LRRC7: variants seen among roughly 807,000 people sequenced by gnomAD.
The protein encoded by LRRC7 is leucine-rich repeat-containing protein 7.
In LRRC7, 23 loss-of-function variants were observed where a neutral mutation model predicts 175.7. The ratio of observed to expected loss-of-function variants is 0.13; its 90% CI spans 0.09 to 0.19. The LOEUF (loss-of-function observed/expected upper bound fraction) is 0.19, where lower values mean the gene tolerates loss of function less well. Ranked by LOEUF, LRRC7 falls within the 10% of genes least tolerant of loss-of-function variation. The pLI is 1.00. For missense variants in LRRC7, 1,354 were observed against 1,904.7 expected (o/e 0.71, Z 5.38); for synonymous variants, 685 against 680.9 (o/e 1.01, Z -0.09).
At chr1:69,726,968 T>G (rs961699712) in intron 2 of LRRC7, among the ~76,000 whole-genome samples, 2 of 152,026 alleles carry the variant, frequency 1.3e-5, no homozygotes, top group Non-Finnish European at 2.9e-5. Flanking sequence ...AGGTAAAAAT[T>G]TGTGTGCAGG....
chr1:70,089,922 G>A, intron 25 of LRRC7, 103 bp downstream of exon 25: 1 of 791,054 alleles, frequency 1.3e-6, no homozygotes, highest in Non-Finnish European at 2.0e-6. Context: ...GTGTTTTCAT[G>A]AGCTAGTTAG....
intron 1 of LRRC7, among the ~76,000 whole-genome samples, chr1:69,675,714 G>T (rs998568218): frequency 6.6e-6 from 1 of 152,020 alleles, no homozygotes; most frequent in Non-Finnish European, 1.5e-5. Flanking sequence ...TAGAAAATTT[G>T]ATATAATTTA....
intron 1 of LRRC7, among the ~76,000 whole-genome samples, chr1:69,676,017 AC>A (rs1326513617): frequency 1.6e-4 from 23 of 147,726 alleles, no homozygotes; most frequent in African/African-American, 5.4e-4. Context: ...GCACACACAC[AC>A]ACACACACAC....
At chr1:69,795,034 T>A (rs1675561893) in intron 4 of LRRC7, among the ~76,000 whole-genome samples, 1 of 152,208 alleles carries the variant, frequency 6.6e-6, no homozygotes, top group Non-Finnish European at 1.5e-5. Context: ...TTGCTAGAAC[T>A]TACACAAACA....
At chr1:69,601,096 A>G (rs1013992338) in intron 1 of LRRC7, among the ~76,000 whole-genome samples, 1 of 152,118 alleles carries the variant, frequency 6.6e-6, no homozygotes, top group Non-Finnish European at 1.5e-5. Context: ...GATTACAGGC[A>G]TGAGCCACCG....
At chr1:69,569,307 G>GC (rs887671898) in intron 1 of LRRC7, among the ~76,000 whole-genome samples, 1 of 152,032 alleles carries the variant, frequency 6.6e-6, no homozygotes, top group Non-Finnish European at 1.5e-5. Flanking sequence ...GGAGAACCTT[G>GC]CCTCCCTCCC....
rs1415377035 is a variant in LRRC7 at position 69,781,719 on chromosome 1, GAAAGAAAGAAAGAA to G, written c.304-10322_304-10309del. The stretch of plus-strand genomic sequence containing the variant: ...AGAAAGAAAGAAAGAAAGAAAGAAA[GAAAGAAAGAAAGAA>G]AGAGAGAGAGAGAGAGAGAGAGAGA... On this transcript the variant is annotated intron_variant, in intron 3 of 26. Coordinates refer to ENST00000651989, the MANE Select transcript of LRRC7 (RefSeq NM_001370785.2). Among the ~76,000 whole-genome samples, 28 of 30,032 alleles carry G rather than the reference GAAAGAAAGAAAGAA, an allele frequency of 9.3e-4. 1 individual carries two copies. Among genetic ancestry groups the G allele is most frequent in the South Asian group, 3.4e-3 (3 of 888 alleles). 19.7% of individuals were successfully genotyped at this position (30,032 alleles called of 152,430 possible).
At chr1:69,927,310 A>G (rs1220944462) in intron 7 of LRRC7, among the ~76,000 whole-genome samples, 1 of 152,102 alleles carries the variant, frequency 6.6e-6, no homozygotes, top group Non-Finnish European at 1.5e-5. Flanking sequence ...CTTGGGGAGT[A>G]TCTTTGTGGC....
intron 6 of LRRC7, among the ~76,000 whole-genome samples, chr1:69,836,896 A>G (rs1392987139): frequency 6.6e-6 from 1 of 151,854 alleles, no homozygotes; most frequent in Non-Finnish European, 1.5e-5. Flanking sequence ...AAAAGAAAGG[A>G]AAGAGATCTA....
At chr1:69,931,184 C>T (rs1228052204) in intron 7 of LRRC7, among the ~76,000 whole-genome samples, 1 of 152,126 alleles carries the variant, frequency 6.6e-6, no homozygotes, top group African/African-American at 2.4e-5. Context: ...GATTCCCAAT[C>T]CTGTGGTGAC....
In LRRC7 at chr1:69,691,365, T is replaced by TC. The variant is rs564795856; in HGVS notation, c.100+12891dup. ...TCTCGTTGTTTGCATGTCTGTTTCTTCCCCAGTGAGTTGTAAATTGCTTAA... is the reference window on the plus strand; with the variant it reads ...TCTCGTTGTTTGCATGTCTGTTTCTTCCCCCAGTGAGTTGTAAATTGCTTAA... On this transcript the variant is annotated intron_variant, in intron 2 of 26. Transcript: ENST00000651989. 5.5e-4 allele frequency among the ~76,000 whole-genome samples: 83 copies of TC among 152,282 alleles called. 1 individual carries two copies. In the South Asian group the frequency reaches 8.9e-3, roughly 16 times the overall value.
chr1:69,799,813 T>C (rs577399611), intron 4 of LRRC7, among the ~76,000 whole-genome samples: 15 of 152,132 alleles, frequency 9.9e-5, no homozygotes, highest in Non-Finnish European at 2.1e-4. Context: ...TCATGAATTA[T>C]TTGCCTAGTT....
In LRRC7 at chr1:69,960,184, C is replaced by T. The variant is rs1650905779; in HGVS notation, c.712-20195C>T. On this transcript the variant is annotated intron_variant, in intron 8 of 26. Coordinates refer to ENST00000651989, the MANE Select transcript of LRRC7 (RefSeq NM_001370785.2). ...GAACTCATTATTGGTCTGTTCAGGA[C>T]TTCAATTTCTTCCTGGTTCAGTCTT... Among the ~76,000 whole-genome samples, 3 of 151,886 alleles carry T rather than the reference C, an allele frequency of 2.0e-5. No homozygotes were observed. In the South Asian group the frequency reaches 6.2e-4, roughly 31 times the overall value.
chr1:69,717,853 G>GAAAGGAAAGAAAGAAAGAAAGAAA (rs1309359434), intron 2 of LRRC7, among the ~76,000 whole-genome samples: 1 of 15,628 alleles, frequency 6.4e-5, no homozygotes, highest in African/African-American at 4.1e-4. Flanking sequence ...AAGAAAGAAA[G>GAAAGGAAAGAAAGAAAGAAAGAAA]GAAAGAAAGA....
intron 23 of LRRC7, among the ~76,000 whole-genome samples, chr1:70,069,873 A>G (rs1462471782): frequency 6.6e-6 from 1 of 151,994 alleles, no homozygotes; most frequent in Non-Finnish European, 1.5e-5. Context: ...TCTGTTTTCT[A>G]CAGTCTGCTG....
chr1:69,791,408 C>T (rs1008966480), intron 3 of LRRC7, among the ~76,000 whole-genome samples: 1 of 151,956 alleles, frequency 6.6e-6, no homozygotes, highest in Non-Finnish European at 1.5e-5. Context: ...CTGGATTTCA[C>T]AGCTATTACT....
At chr1:70,074,534 T>A (rs1391104316) in intron 23 of LRRC7, among the ~76,000 whole-genome samples, 1 of 152,234 alleles carries the variant, frequency 6.6e-6, no homozygotes, top group Non-Finnish European at 1.5e-5. Context: ...TCACTGGATA[T>A]GCGTTGGACA....
intron 7 of LRRC7, among the ~76,000 whole-genome samples, chr1:69,926,607 T>G (rs1437531205): frequency 6.6e-6 from 1 of 150,910 alleles, no homozygotes; most frequent in East Asian, 2.0e-4. Flanking sequence ...TAAAGTCTGT[T>G]TTATCAGAGA....
chr1:69,898,373 G>T (rs1646037793), intron 7 of LRRC7, among the ~76,000 whole-genome samples: 1 of 152,184 alleles, frequency 6.6e-6, no homozygotes, highest in Non-Finnish European at 1.5e-5. Context: ...TACATAGGGA[G>T]ATTATGAAGA....
Sources: gnomAD v4.1 joint callset for allele counts (sites outside exome capture counted in the v4.1 genomes callset) on GRCh38, gnomAD v4.1.1 for gene constraint, MANE v1.5 for transcripts, NCBI Gene and HGNC (gene_info 2026-07-23, HGNC 2026-07-21) for gene names.